Variants in RNF135 observed in about 807,000 individuals in gnomAD.
The protein encoded by RNF135 is ring finger protein 135, also known as E3 ubiquitin-protein ligase RNF135.
A neutral mutation model predicts 41.9 loss-of-function variants in RNF135; 46 were observed. The ratio of observed to expected loss-of-function variants is 1.10; its 90% CI spans 0.87 to 1.40. The LOEUF (loss-of-function observed/expected upper bound fraction) is 1.40, where lower values mean the gene tolerates loss of function less well. Among genes scored for constraint, RNF135 ranks in the 40% most tolerant of loss-of-function variants. The pLI is 0.00. For missense variants in RNF135, 539 were observed against 549.8 expected (o/e 0.98, Z 0.20); for synonymous variants, 238 against 223.8 (o/e 1.06, Z -0.57).
intron 1 of RNF135, 128 bp downstream of exon 1, chr17:30,971,573 C>T (rs961873896): frequency 2.6e-5 from 35 of 1,361,812 alleles, no homozygotes; most frequent in Non-Finnish European, 3.3e-5. Context: ...GTCTAAAAGT[C>T]GAGTTCCGCT....
chr17:30,984,386 G>C (rs932670858), intron 1 of RNF135, among the ~76,000 whole-genome samples: 4 of 152,184 alleles, frequency 2.6e-5, no homozygotes, highest in Admixed American at 6.5e-5. Flanking sequence ...AGTTTTCACA[G>C]TACAATTTGT....
At chr17:30,997,217 C>T in intron 3 of RNF135, 25 bp from the exon 4 acceptor site, 1 of 1,595,742 alleles carries the variant, frequency 6.3e-7, no homozygotes, top group African/African-American at 1.3e-5. Context: ...TGGGACTTTC[C>T]TCTGTTAATT....
chr17:30,997,391 T>C (rs1014145312), intron 4 of RNF135, 60 bp downstream of exon 4: 2 of 1,386,958 alleles, frequency 1.4e-6, no homozygotes, highest in African/African-American at 1.4e-5. Context: ...GCTTCGAGAA[T>C]ATCCTACATC....
rs749937015 is a variant in RNF135, at chr17:30,971,445, G to A, written c.372G>A (p.Arg124=). 6.7e-7 allele frequency: 1 copy of A among 1,502,270 alleles called. No individual in the cohort carries two copies. Among genetic ancestry groups the A allele is most frequent in the Non-Finnish European group, 8.8e-7 (1 of 1,134,212 alleles). 93.1% of individuals were successfully genotyped at this position (1,502,270 alleles called of 1,614,324 possible). A position where few individuals can be genotyped will look rare whatever the true frequency, so the allele number is the denominator to read the frequency against. The part of the protein sequence containing the change: ...ARPRRRPELQ[R]VAVEKSITEV... Reference sequence around the variant, plus strand: ...CCCGGCGCCGCCCGGAACTGCAGCGGGTAGGGAGGCCGGGCCCGCAGCTCC... The same window carrying A: ...CCCGGCGCCGCCCGGAACTGCAGCGAGTAGGGAGGCCGGGCCCGCAGCTCC... Residue 124 remains arginine (R), a splice_region_variant and synonymous_variant, in exon 1 of 5, where the codon CGG becomes CGA. Transcript: ENST00000328381.
At chr17:30,983,349 A>ATTTTTTTTTT (rs1907339481) in intron 1 of RNF135, among the ~76,000 whole-genome samples, 1 of 38,702 alleles carries the variant, frequency 2.6e-5, no homozygotes, top group African/African-American at 1.0e-4. Context: ...ATATATATAT[A>ATTTTTTTTTT]TATATTTTTT....
intron 1 of RNF135, chr17:30,978,504 T>C (rs1370344794): frequency 6.6e-6 from 1 of 152,206 alleles, no homozygotes; most frequent in African/African-American, 2.4e-5. Context: ...TTGATCGATT[T>C]TGCTATTGAG....
chr17:30,976,061 G>A (rs1906432432), intron 1 of RNF135: 1 of 227,148 alleles, frequency 4.4e-6, no homozygotes, highest in East Asian at 1.0e-4. Context: ...ACTGGAGTGC[G>A]GTGGCGTGAT....
chr17:30,978,942 A>C, intron 1 of RNF135: 1 of 212,590 alleles, frequency 4.7e-6, no homozygotes, highest in South Asian at 5.4e-5. Flanking sequence ...ACAGATCTAC[A>C]GGATCCCAAG....
intron 2 of RNF135, 39 bp from the exon 3 acceptor site, chr17:30,987,905 G>A (rs750796198): frequency 5.8e-6 from 9 of 1,554,500 alleles, no homozygotes; most frequent in Non-Finnish European, 8.9e-7. Flanking sequence ...ACTGCATAGG[G>A]GACTTCCATT....
intron 1 of RNF135, among the ~76,000 whole-genome samples, chr17:30,974,262 C>G (rs955481478): frequency 6.6e-6 from 1 of 152,154 alleles, no homozygotes; most frequent in African/African-American, 2.4e-5. Flanking sequence ...GTCTATATGT[C>G]TGTACTTATG....
At chr17:30,995,647 A>G (rs1170590345) in intron 3 of RNF135, among the ~76,000 whole-genome samples, 2 of 152,184 alleles carry the variant, frequency 1.3e-5, no homozygotes, top group Non-Finnish European at 2.9e-5. Context: ...TGACTATTCT[A>G]GATACCTCAT....
At chr17:30,964,570 C>G in the RNF135 span, among the ~76,000 whole-genome samples, 1 of 152,052 alleles carries the variant, frequency 6.6e-6, no homozygotes, top group Non-Finnish European at 1.5e-5. Flanking sequence ...CGCCAGTGCA[C>G]TCCAGCCTGG....
In RNF135 at chr17:30,997,270, C is replaced by T; in HGVS notation, c.708C>T (p.Ser236=). 6.2e-7 allele frequency: 1 copy of T among 1,614,090 alleles called. No homozygotes were observed. Among genetic ancestry groups the T allele is most frequent in the Non-Finnish European group, 8.5e-7 (1 of 1,179,960 alleles). ...AACTCCTGGAAGCCCCGTCTTCCTC[C>T]TCATGCCCATTGCCTGACCAGAGCC... ...QGELLEAPSS[S]SCPLPDQSHP... is the part of the protein sequence containing the mutation. Residue 236 remains serine (S), a synonymous_variant, in exon 4 of 5, where the codon TCC becomes TCT. Transcript: ENST00000328381.
At chr17:30,961,826 T>TA in the RNF135 span, among the ~76,000 whole-genome samples, 1 of 152,116 alleles carries the variant, frequency 6.6e-6, no homozygotes, top group Non-Finnish European at 1.5e-5. Context: ...ATTTTAATAG[T>TA]AAAAAATACA....
At chr17:30,960,789 G>C in the RNF135 span, among the ~76,000 whole-genome samples, 2 of 148,414 alleles carry the variant, frequency 1.3e-5, no homozygotes, top group South Asian at 2.1e-4. Flanking sequence ...GCCCAGGCTG[G>C]AGTGCAGTGG....
At chr17:30,965,898 T>C in the RNF135 span, among the ~76,000 whole-genome samples, 3 of 152,222 alleles carry the variant, frequency 2.0e-5, no homozygotes, top group Non-Finnish European at 2.9e-5. Flanking sequence ...TCACCAGTCC[T>C]GGTGGCGTAA....
intron 1 of RNF135, among the ~76,000 whole-genome samples, chr17:30,983,952 T>C (rs1341394646): frequency 6.6e-6 from 1 of 152,192 alleles, no homozygotes; most frequent in African/African-American, 2.4e-5. Context: ...TTCAGTTGTT[T>C]GTGGGTTTTT....
intron 1 of RNF135, among the ~76,000 whole-genome samples, chr17:30,977,999 A>C (rs1906618625): frequency 6.6e-6 from 1 of 152,176 alleles, no homozygotes; most frequent in South Asian, 2.1e-4. Flanking sequence ...CTATTTTCAC[A>C]AATTATAGTT....
At chr17:30,974,626 C>T (rs961605585) in intron 1 of RNF135, among the ~76,000 whole-genome samples, 22 of 149,994 alleles carry the variant, frequency 1.5e-4, no homozygotes, top group Admixed American at 2.7e-4. Context: ...ATAAGTCTTT[C>T]ACCTCTTTGA....
Sources: gnomAD v4.1 joint callset for allele counts (sites outside exome capture counted in the v4.1 genomes callset) on GRCh38, gnomAD v4.1.1 for gene constraint, MANE v1.5 for transcripts, NCBI Gene and HGNC (gene_info 2026-07-23, HGNC 2026-07-21) for gene names.